Variants in L3MBTL4 observed in about 807,000 individuals in gnomAD.
The protein encoded by L3MBTL4 is lethal(3)malignant brain tumor-like protein 4.
L3MBTL4 carries 70 observed loss-of-function variants against 84.5 expected under a neutral mutation model. That is an observed-to-expected ratio of 0.83 (90% CI 0.68 to 1.01). The LOEUF (loss-of-function observed/expected upper bound fraction) is 1.01, where lower values mean the gene tolerates loss of function less well. Among genes scored for constraint, L3MBTL4 ranks in the 50% least tolerant of loss-of-function variants. The probability of loss-of-function intolerance (pLI) is 0.00; values close to 1 mark genes in which losing one functional copy is unlikely to be tolerated. For synonymous variants in L3MBTL4, 274 were observed against 259.8 expected, an observed-to-expected ratio of 1.05 and a Z score of -0.52; for missense variants, 715 against 754.8, an observed-to-expected ratio of 0.95 and a Z score of 0.62.
At chr18:6,042,877 C>T (rs1019606835) in intron 16 of L3MBTL4, among the ~76,000 whole-genome samples, 6 of 152,184 alleles carry the variant, frequency 3.9e-5, no homozygotes, top group Non-Finnish European at 7.3e-5. Flanking sequence ...CATATCCTTG[C>T]TACTTGACAT....
intron 1 of L3MBTL4, among the ~76,000 whole-genome samples, chr18:6,387,762 G>A (rs2054883325): frequency 6.6e-6 from 1 of 152,226 alleles, no homozygotes; most frequent in Non-Finnish European, 1.5e-5. Context: ...TGCAAGACAA[G>A]AAGGGCTGCA....
At chr18:6,007,612 T>G (rs947439499) in intron 16 of L3MBTL4, among the ~76,000 whole-genome samples, 1 of 152,236 alleles carries the variant, frequency 6.6e-6, no homozygotes, top group Non-Finnish European at 1.5e-5. Context: ...ATTTATCCTG[T>G]AGGCCTACTA....
chr18:6,337,504 A>T (rs2052399342), intron 1 of L3MBTL4, among the ~76,000 whole-genome samples: 1 of 152,072 alleles, frequency 6.6e-6, no homozygotes, highest in African/African-American at 2.4e-5. Context: ...ACTTGAAGGG[A>T]TGCATACCAT....
chr18:6,330,654 A>G (rs545764805), intron 1 of L3MBTL4, among the ~76,000 whole-genome samples: 8 of 152,246 alleles, frequency 5.3e-5, no homozygotes, highest in Non-Finnish European at 1.0e-4. Flanking sequence ...CATAATATTC[A>G]CAGGCTCCAA....
chr18:6,173,396 C>T (rs2044071807), intron 12 of L3MBTL4, among the ~76,000 whole-genome samples: 1 of 152,110 alleles, frequency 6.6e-6, no homozygotes, highest in African/African-American at 2.4e-5. Context: ...AGCAGTTATG[C>T]AGTCAGAGAG....
intron 10 of L3MBTL4, among the ~76,000 whole-genome samples, chr18:6,217,146 A>G (rs2145842160): frequency 6.6e-6 from 1 of 152,240 alleles, no homozygotes; most frequent in East Asian, 1.9e-4. Flanking sequence ...AAATATATTT[A>G]AAGGAAAGTA....
intron 1 of L3MBTL4, among the ~76,000 whole-genome samples, chr18:6,338,925 G>A (rs1328373331): frequency 1.3e-5 from 2 of 152,088 alleles, no homozygotes; most frequent in Non-Finnish European, 2.9e-5. Flanking sequence ...CACCTCATAA[G>A]TATATGAGGC....
intron 16 of L3MBTL4, among the ~76,000 whole-genome samples, chr18:6,050,001 G>A (rs536157231): frequency 6.6e-6 from 1 of 152,162 alleles, no homozygotes; most frequent in Non-Finnish European, 1.5e-5. Flanking sequence ...ATCAGGATGT[G>A]AGCTAGCAAA....
At chr18:6,015,865 C>A (rs1397537374) in intron 16 of L3MBTL4, among the ~76,000 whole-genome samples, 1 of 152,154 alleles carries the variant, frequency 6.6e-6, no homozygotes, top group African/African-American at 2.4e-5. Flanking sequence ...GAGGCTGAGG[C>A]AGGAGAATCG....
At chr18:6,197,690 C>T (rs1023725485) in intron 12 of L3MBTL4, among the ~76,000 whole-genome samples, 4 of 152,206 alleles carry the variant, frequency 2.6e-5, no homozygotes, top group Non-Finnish European at 1.5e-5. Context: ...CTTTTGCCAA[C>T]ACTGGCCTTC....
intron 12 of L3MBTL4, among the ~76,000 whole-genome samples, chr18:6,208,881 C>T (rs1210800119): frequency 6.6e-6 from 1 of 152,194 alleles, no homozygotes; most frequent in Non-Finnish European, 1.5e-5. Context: ...AAAACTTCAC[C>T]ACTCAACTGC....
At chr18:6,244,427 G>T in intron 6 of L3MBTL4, 57 bp downstream of exon 6, 1 of 1,095,000 alleles carries the variant, frequency 9.1e-7, no homozygotes, top group Non-Finnish European at 1.3e-6. Context: ...TTATTTTCTA[G>T]AAAATTATCT....
At chr18:6,180,309 C>CAT (rs2044411010) in intron 12 of L3MBTL4, among the ~76,000 whole-genome samples, 1 of 130,918 alleles carries the variant, frequency 7.6e-6, no homozygotes, top group Non-Finnish European at 1.6e-5. Context: ...GCTACTGAGA[C>CAT]AGGGATTATG....
At chr18:6,034,677 T>G (rs1404698715) in intron 16 of L3MBTL4, among the ~76,000 whole-genome samples, 5 of 152,236 alleles carry the variant, frequency 3.3e-5, no homozygotes, top group Non-Finnish European at 5.9e-5. Context: ...ATGGGATGGC[T>G]GGGTCAAATG....
intron 5 of L3MBTL4, among the ~76,000 whole-genome samples, chr18:6,253,601 C>T (rs2048017723): frequency 6.6e-6 from 1 of 152,198 alleles, no homozygotes; most frequent in African/African-American, 2.4e-5. Context: ...TTCCATAATG[C>T]TAATTTTCAC....
chr18:6,148,396 G>A (rs1244396858), intron 13 of L3MBTL4, among the ~76,000 whole-genome samples: 1 of 152,082 alleles, frequency 6.6e-6, no homozygotes, highest in Non-Finnish European at 1.5e-5. Context: ...AATTGTGAGA[G>A]GTCCACATAG....
At chr18:5,995,976 T>A (rs2053945444) in intron 16 of L3MBTL4, among the ~76,000 whole-genome samples, 1 of 152,250 alleles carries the variant, frequency 6.6e-6, no homozygotes, top group African/African-American at 2.4e-5. Flanking sequence ...CTGAGAATAC[T>A]CACCAGCTGG....
chr18:6,129,044 G>C (rs2059790669), intron 14 of L3MBTL4, among the ~76,000 whole-genome samples: 1 of 152,070 alleles, frequency 6.6e-6, no homozygotes, highest in African/African-American at 2.4e-5. Context: ...CTGAGGAAAT[G>C]GGAAAGGCTA....
intron 16 of L3MBTL4, among the ~76,000 whole-genome samples, chr18:6,024,394 A>C (rs1352470139): frequency 6.6e-6 from 1 of 152,230 alleles, no homozygotes; most frequent in East Asian, 1.9e-4. Context: ...CATCTTTTGC[A>C]GCTATCTTTG....
Sources: gnomAD v4.1 joint callset for allele counts (sites outside exome capture counted in the v4.1 genomes callset) on GRCh38, gnomAD v4.1.1 for gene constraint, MANE v1.5 for transcripts, NCBI Gene and HGNC (gene_info 2026-07-23, HGNC 2026-07-21) for gene names.